Variants in MARS1 observed in about 807,000 individuals in gnomAD.
MARS1 encodes methionine--tRNA ligase, cytoplasmic.
In MARS1, 80 loss-of-function variants were observed where a neutral mutation model predicts 119.5. That is an observed-to-expected ratio of 0.67 (90% CI 0.56 to 0.81). The LOEUF (loss-of-function observed/expected upper bound fraction) is 0.81. MARS1 is among the 30% of genes least tolerant of loss of function. The pLI, the probability that MARS1 is intolerant of heterozygous loss-of-function variation, is 0.00. For synonymous variants in MARS1, 418 were observed against 433.4 expected (o/e 0.96, Z 0.44); for missense variants, 945 against 1,116.5 (o/e 0.85, Z 2.19).
chr12:57,493,920 TA>T (rs1565641590), intron 7 of MARS1, among the ~76,000 whole-genome samples: 4 of 76,804 alleles, frequency 5.2e-5, no homozygotes, highest in Admixed American at 2.2e-4. Flanking sequence ...ATATAATATA[TA>T]TAATATATAT....
intron 13 of MARS1, 56 bp downstream of exon 13, chr12:57,512,159 G>A (rs1254009170): frequency 3.1e-6 from 5 of 1,600,838 alleles, no homozygotes; most frequent in Middle Eastern, 1.7e-4. Flanking sequence ...GGGTGTGGGT[G>A]TTAGGGTTGG....
At chr12:57,503,899 G>A (rs2140023555) in intron 10 of MARS1, 1 of 225,144 alleles carries the variant, frequency 4.4e-6, no homozygotes, top group Non-Finnish European at 8.7e-6. Flanking sequence ...AAAGAGAGGG[G>A]CTATGTCTTC....
chr12:57,489,599 G>A, intron 4 of MARS1, 41 bp downstream of exon 4: 6 of 1,612,712 alleles, frequency 3.7e-6, no homozygotes, highest in Non-Finnish European at 5.1e-6. Flanking sequence ...AAGGCTTATG[G>A]TGTAAGGATT....
At chr12:57,490,136 A>T in intron 5 of MARS1, 71 bp from the exon 6 acceptor site, 1 of 1,532,916 alleles carries the variant, frequency 6.5e-7, no homozygotes. Context: ...CTCACAAAGA[A>T]GGGGAAAGAT....
chr12:57,495,108 C>T (rs1237439284), intron 7 of MARS1, among the ~76,000 whole-genome samples: 8 of 148,762 alleles, frequency 5.4e-5, no homozygotes, highest in Non-Finnish European at 1.0e-4. Flanking sequence ...CCCCACCTCC[C>T]GGGCTGGGTG....
chr12:57,488,864 AC>A, intron 1 of MARS1, 154 bp from the exon 2 acceptor site: 1 of 762,980 alleles, frequency 1.3e-6, no homozygotes. Context: ...ATTCCGGACC[AC>A]CCCCTTTCAG....
At position 57,498,427 on chromosome 12, in the gene MARS1, C is replaced by A; in HGVS notation, c.895C>A (p.Arg299Ser). ...CACCATATTCCCTTGCAGGTACTCT[C>A]GCCTCCGCCAGTGGAACACCCTCTA... Reference protein sequence around the residue: ...LSADVFARYSRLRQWNTLYLC... With the variant: ...LSADVFARYSSLRQWNTLYLC... The change falls in exon 9 of 21, where the codon CGC (arginine) becomes AGC (serine). Residue 299 changes from arginine (R) to serine (S), a missense_variant. By Grantham distance (110) the Arg-to-Ser change is moderately radical. Transcript: ENST00000262027. 1 of 1,613,640 alleles carries A rather than the reference C, an allele frequency of 6.2e-7. No homozygotes were observed. Among genetic ancestry groups the A allele is most frequent in the Non-Finnish European group, 8.5e-7 (1 of 1,179,990 alleles).
At chr12:57,514,347 C>T (rs1244868994) in intron 15 of MARS1, among the ~76,000 whole-genome samples, 8 of 151,812 alleles carry the variant, frequency 5.3e-5, no homozygotes, top group African/African-American at 9.7e-5. Flanking sequence ...TTAGTAGAGA[C>T]GAGGTTTCAC....
At chr12:57,491,033 C>T (rs538518968) in intron 7 of MARS1, among the ~76,000 whole-genome samples, 6 of 151,906 alleles carry the variant, frequency 3.9e-5, no homozygotes, top group Admixed American at 3.3e-4. Context: ...TGCACCACCA[C>T]GCCTGGCTAA....
intron 11 of MARS1, among the ~76,000 whole-genome samples, chr12:57,509,012 T>A (rs1036211469): frequency 3.3e-5 from 5 of 152,214 alleles, no homozygotes; most frequent in Non-Finnish European, 7.3e-5. Flanking sequence ...ATATTTATCC[T>A]TCTCCCTCCA....
intron 6 of MARS1, 74 bp downstream of exon 6, chr12:57,490,453 A>G: frequency 6.2e-7 from 1 of 1,608,166 alleles, no homozygotes; most frequent in Non-Finnish European, 8.5e-7. Context: ...ATGGCCACTA[A>G]CTTTTTCAGG....
In MARS1 at chr12:57,489,253, C is replaced by G. The variant is rs890326294; in HGVS notation, c.201-14C>G. The G allele has an allele frequency of 3.1e-6, 5 of 1,613,364 alleles. No individual in the cohort carries two copies. The highest frequency in any genetic ancestry group is 1.7e-4 in the Middle Eastern group (1 of 5,732). On this transcript the variant is annotated splice_polypyrimidine_tract_variant and intron_variant, in intron 2 of 20. Transcript: ENST00000262027. The stretch of plus-strand genomic sequence containing the variant: ...CCCTCTAAGTCCATCATCTGTTGCT[C>G]TCTCTCTGGGCAGATATTTTTTTTT...
rs749015861 is a variant in MARS1 at position 57,489,110 on chromosome 12, G to A, written c.200+1G>A. The A allele has an allele frequency of 3.1e-6, 5 of 1,613,678 alleles. No individual in the cohort carries two copies. The African/African-American group carries it at 6.7e-5, about 22-fold the overall frequency. ...TCTTCTCCACTAGTGCAATCTGCCG[G>A]TCAGTATTGGTCCTTGGTGTAGGGA... On this transcript the variant is annotated splice_donor_variant, in intron 2 of 20. Coordinates refer to ENST00000262027, the MANE Select transcript of MARS1 (RefSeq NM_004990.4). LOFTEE classifies it high-confidence loss of function.
Position 57,488,141 on chromosome 12 carries a change from C to G in MARS1, c.51C>G (p.Ala17=). ...DGVPGCLPVL[A]AAGRARGRAE... is the part of the protein sequence containing the mutation. ...TCCCGGGTTGCTTGCCGGTGCTGGC[C>G]GCCGCCGGGAGAGCCCGGGGCAGAG... The change falls in exon 1 of 21, where the codon GCC becomes GCG. Residue 17 remains alanine, a synonymous_variant. Transcript: ENST00000262027. The G allele has an allele frequency of 1.2e-6, 2 of 1,614,152 alleles. No homozygotes were observed. The highest frequency in any genetic ancestry group is 1.1e-5 in the South Asian group (1 of 91,082).
intron 3 of MARS1, 38 bp downstream of exon 3, chr12:57,489,383 G>C (rs1284078158): frequency 3.7e-6 from 6 of 1,614,190 alleles, no homozygotes; most frequent in African/African-American, 1.3e-5. Flanking sequence ...GCAGGCCCTT[G>C]TTCTGCGTGG....
intron 7 of MARS1, among the ~76,000 whole-genome samples, chr12:57,491,025 C>T (rs1875925239): frequency 6.6e-6 from 1 of 151,718 alleles, no homozygotes; most frequent in Non-Finnish European, 1.5e-5. Flanking sequence ...TATAGGTGTG[C>T]ACCACCACGC....
chr12:57,504,155 C>T (rs1877065829), intron 10 of MARS1, 70 bp from the exon 11 acceptor site: 2 of 1,034,104 alleles, frequency 1.9e-6, no homozygotes, highest in South Asian at 1.3e-5. Flanking sequence ...TCCTTCTCTG[C>T]TCCTCCCCTT....
chr12:57,506,436 AATAAATAC>A (rs1201528932), intron 11 of MARS1, among the ~76,000 whole-genome samples: 1 of 152,154 alleles, frequency 6.6e-6, no homozygotes, highest in East Asian at 1.9e-4. Flanking sequence ...CTCAAAAATA[AATAAATAC>A]ATAAAATATA....
At position 57,516,547 on chromosome 12, in the gene MARS1, C is replaced by T; in HGVS notation, c.2669C>T (p.Pro890Leu). ...CAGTTGGCTGTAGCTGAGGGGAAACCCCCTGAAGCCCCTAAAGGCAAGAAG... is the reference window on the plus strand; with the variant it reads ...CAGTTGGCTGTAGCTGAGGGGAAACTCCCTGAAGCCCCTAAAGGCAAGAAG... Reference protein sequence around the residue: ...KKQLAVAEGKPPEAPKGKKKK With the variant: ...KKQLAVAEGKLPEAPKGKKKK The change falls in exon 21 of 21, where the codon CCC becomes CTC. Residue 890 changes from proline to leucine, a missense_variant. By Grantham distance (98) the Pro-to-Leu change is moderately conservative. Coordinates refer to ENST00000262027, the MANE Select transcript of MARS1 (RefSeq NM_004990.4). 1 of 1,597,004 alleles carries T rather than the reference C, an allele frequency of 6.3e-7. No individual in the cohort carries two copies. The highest frequency in any genetic ancestry group is 1.7e-4 in the Middle Eastern group (1 of 5,970).
Sources: gnomAD v4.1 joint callset for allele counts (sites outside exome capture counted in the v4.1 genomes callset) on GRCh38, gnomAD v4.1.1 for gene constraint, MANE v1.5 for transcripts, NCBI Gene and HGNC (gene_info 2026-07-23, HGNC 2026-07-21) for gene names.